Variants in LRP6 observed in about 807,000 individuals in gnomAD.
LRP6 encodes the protein low-density lipoprotein receptor-related protein 6.
Under a neutral mutation model 184.1 loss-of-function variants are expected in LRP6, and 43 were observed. The ratio of observed to expected loss-of-function variants is 0.23; its 90% confidence interval spans 0.18 to 0.30. The LOEUF (loss-of-function observed/expected upper bound fraction) is 0.30. Among genes scored for constraint, LRP6 ranks in the 10% least tolerant of loss-of-function variants. The pLI is 1.00. For missense variants in LRP6, 1,571 were observed against 2,005.3 expected (o/e 0.78, Z 4.14); for synonymous variants, 719 against 684.9 (o/e 1.05, Z -0.78).
chr12:12,256,188 C>T (rs546914787), intron 1 of LRP6, among the ~76,000 whole-genome samples: 1 of 152,252 alleles, frequency 6.6e-6, no homozygotes. Context: ...TGCAACAGGA[C>T]GATTGACAGG....
chr12:12,223,934 C>T (rs545370916), intron 2 of LRP6, among the ~76,000 whole-genome samples: 13 of 152,248 alleles, frequency 8.5e-5, no homozygotes, highest in African/African-American at 3.1e-4. Flanking sequence ...ATCAGAATTG[C>T]AGTATCAGAA....
intron 7 of LRP6, among the ~76,000 whole-genome samples, chr12:12,166,128 G>A (rs917116230): frequency 6.6e-6 from 1 of 152,120 alleles, no homozygotes; most frequent in Admixed American, 6.5e-5. Context: ...GGTAGGAGCA[G>A]ATATTGTTCA....
intron 3 of LRP6, among the ~76,000 whole-genome samples, chr12:12,188,334 C>T (rs1433286071): frequency 1.3e-5 from 2 of 151,794 alleles, no homozygotes; most frequent in Non-Finnish European, 2.9e-5. Flanking sequence ...TCCAAGTTTC[C>T]CAATAGCCCA....
chr12:12,198,042 C>T (rs1367222997), intron 3 of LRP6, among the ~76,000 whole-genome samples: 1 of 152,198 alleles, frequency 6.6e-6, no homozygotes, highest in Non-Finnish European at 1.5e-5. Flanking sequence ...CCTTAGCCCC[C>T]TGAGTAGCTG....
rs1297959000 is a variant in LRP6 at position 12,244,435 on chromosome 12, A to G, written c.276T>C (p.Ser92=). 2.5e-6 allele frequency: 4 copies of G among 1,614,112 alleles called. No individual in the cohort carries two copies. In the South Asian group the frequency reaches 3.3e-5, roughly 13 times the overall value. ...CCAGCCCATCGGGGGACAATAATCC[A>G]GAAACAACAACATTCTGCACACTCT... ...KTESVQNVVV[S]GLLSPDGLAC... The change falls in exon 2 of 23, where the codon TCT becomes TCC. Residue 92 remains serine (S), a synonymous_variant. Transcript: ENST00000261349.
At chr12:12,200,341 C>T (rs548502440) in intron 3 of LRP6, among the ~76,000 whole-genome samples, 6 of 152,236 alleles carry the variant, frequency 3.9e-5, no homozygotes, top group African/African-American at 9.6e-5. Flanking sequence ...ATCAACAAGC[C>T]ATGGTTTCAG....
chr12:12,133,136 C>A (rs1565539095), intron 17 of LRP6, among the ~76,000 whole-genome samples: 1 of 152,090 alleles, frequency 6.6e-6, no homozygotes, highest in Admixed American at 6.5e-5. Flanking sequence ...TAAAATATAT[C>A]CACGTCCTTA....
At chr12:12,139,535 G>C (rs990610269) in intron 15 of LRP6, among the ~76,000 whole-genome samples, 1 of 152,070 alleles carries the variant, frequency 6.6e-6, no homozygotes, top group East Asian at 1.9e-4. Context: ...ATCAGCCTGG[G>C]CAACATGGCA....
At chr12:12,248,716 G>A (rs1240608530) in intron 1 of LRP6, among the ~76,000 whole-genome samples, 11 of 151,868 alleles carry the variant, frequency 7.2e-5, no homozygotes, top group Admixed American at 1.3e-4. Context: ...TCCTGACCTC[G>A]TGATCCGCCC....
intron 2 of LRP6, among the ~76,000 whole-genome samples, chr12:12,236,464 C>T (rs1864934875): frequency 6.6e-6 from 1 of 152,154 alleles, no homozygotes; most frequent in African/African-American, 2.4e-5. Context: ...TTTCTGACAC[C>T]AGATCGCTGG....
chr12:12,132,160 C>T, intron 17 of LRP6, 103 bp from the exon 18 acceptor site: 1 of 765,174 alleles, frequency 1.3e-6, no homozygotes, highest in Non-Finnish European at 2.4e-6. Flanking sequence ...TTAACATACA[C>T]AAAATACTTT....
At chr12:12,146,829 G>A (rs1475970371) in intron 15 of LRP6, among the ~76,000 whole-genome samples, 3 of 152,190 alleles carry the variant, frequency 2.0e-5, no homozygotes, top group East Asian at 3.8e-4. Context: ...ATAAACTAGA[G>A]CAGAAGAGTT....
intron 15 of LRP6, among the ~76,000 whole-genome samples, chr12:12,146,130 G>T (rs1304005426): frequency 6.6e-6 from 1 of 152,194 alleles, no homozygotes; most frequent in Non-Finnish European, 1.5e-5. Context: ...CTGATAGAAT[G>T]TATTTCTCCA....
At position 12,120,239 on chromosome 12, in the gene LRP6, T is replaced by G. The variant is rs1411964548; in HGVS notation, c.*887A>C. 6.6e-6 allele frequency: 1 copy of G among 151,518 alleles called. No individual in the cohort carries two copies. Among genetic ancestry groups the G allele is most frequent in the African/African-American group, 2.4e-5 (1 of 41,176 alleles). 9.4% of individuals were successfully genotyped at this position (151,518 alleles called of 1,614,324 possible). A position where few individuals can be genotyped will look rare whatever the true frequency, so the allele number is the denominator to read the frequency against. On this transcript the variant is annotated 3_prime_UTR_variant, in exon 23 of 23. Transcript: ENST00000261349. ...TTTGATCATTATGCAAAAACAGCAGTCAAATTGAAGAGCTAAGCCTACTGG... is the reference window on the plus strand; with the variant it reads ...TTTGATCATTATGCAAAAACAGCAGGCAAATTGAAGAGCTAAGCCTACTGG...
intron 18 of LRP6, among the ~76,000 whole-genome samples, chr12:12,131,097 A>ATTTTTTTTTTTTTTTTT (rs35705276): frequency 2.6e-5 from 2 of 78,148 alleles, no homozygotes; most frequent in African/African-American, 8.0e-5. Context: ...ATTTCCTAAC[A>ATTTTTTTTTTTTTTTTT]TTTTTTTTTT....
chr12:12,255,419 T>C (rs1865436126), intron 1 of LRP6, among the ~76,000 whole-genome samples: 1 of 95,276 alleles, frequency 1.0e-5, no homozygotes, highest in Admixed American at 1.1e-4. Flanking sequence ...TTCTCCTTTC[T>C]ATAAAAAAAA....
intron 9 of LRP6, among the ~76,000 whole-genome samples, chr12:12,163,983 A>C (rs575645477): frequency 6.6e-6 from 1 of 152,252 alleles, no homozygotes; most frequent in African/African-American, 2.4e-5. Flanking sequence ...TACAAAAATT[A>C]GCTGGGCGTC....
Position 12,149,147 on chromosome 12 carries a change from T to C in LRP6, c.3001A>G (p.Thr1001Ala), listed in dbSNP as rs762108394. 1.1e-5 allele frequency: 17 copies of C among 1,613,184 alleles called. No individual in the cohort carries two copies. Among genetic ancestry groups the C allele is most frequent in the African/African-American group, 2.7e-5 (2 of 74,808 alleles). Residue 1001 changes from threonine to alanine, a missense_variant, in exon 14 of 23, where the codon ACT becomes GCT. This residue lies in a region of LRP6 where 763 missense variants were observed against 859.5 expected (regional missense o/e 0.89). Coordinates refer to ENST00000261349, the MANE Select transcript of LRP6 (RefSeq NM_002336.3). ...KAQEDGSQGF[T>A]VVVSSVPSQN... ...CTCGGAACTGAGCTCACAACCACAG[T>C]AAAGCCCTAGGGAAAAAAAGAAATA...
At chr12:12,253,425 CT>C (rs897669372) in intron 1 of LRP6, among the ~76,000 whole-genome samples, 16 of 151,038 alleles carry the variant, frequency 1.1e-4, no homozygotes, top group African/African-American at 9.7e-5. Context: ...CACTTTTTTT[CT>C]TTTTTTTTAT....
Sources: allele counts gnomAD v4.1 joint callset (sites outside exome capture counted in the v4.1 genomes callset), GRCh38; gene constraint gnomAD v4.1.1; regional missense constraint gnomAD v4.1.1; transcripts MANE v1.5; gene names NCBI Gene and HGNC (gene_info 2026-07-23, HGNC 2026-07-21).